The following NFIA variants were observed in gnomAD, a reference collection of about 807,000 sequenced individuals.
NFIA encodes the protein nuclear factor 1 A-type.
NFIA carries 8 observed loss-of-function variants against 62.8 expected under a neutral mutation model. The ratio of observed to expected loss-of-function variants is 0.13; its 90% CI spans 0.07 to 0.23. NFIA has a LOEUF of 0.23. Ranked by LOEUF, NFIA falls within the 10% of genes least tolerant of loss-of-function variation. The pLI, the probability that NFIA is intolerant of heterozygous loss-of-function variation, is 1.00. For synonymous variants in NFIA, 235 were observed against 238.1 expected, an observed-to-expected ratio of 0.99 and a Z score of 0.12; for missense variants, 410 against 642.1, an observed-to-expected ratio of 0.64 and a Z score of 3.91.
intron 6 of NFIA, among the ~76,000 whole-genome samples, chr1:61,360,816 A>G (rs1429564789): frequency 6.6e-6 from 1 of 152,240 alleles, no homozygotes; most frequent in East Asian, 1.9e-4. Flanking sequence ...CTGTATCATA[A>G]TTAAACACAA....
At chr1:61,270,811 T>C (rs950254761) in intron 2 of NFIA, among the ~76,000 whole-genome samples, 2 of 152,200 alleles carry the variant, frequency 1.3e-5, no homozygotes, top group Non-Finnish European at 2.9e-5. Flanking sequence ...GGTGATCGGG[T>C]AGACTCAATA....
At chr1:61,185,216 C>G (rs1466153881) in intron 2 of NFIA, among the ~76,000 whole-genome samples, 1 of 152,124 alleles carries the variant, frequency 6.6e-6, no homozygotes, top group Non-Finnish European at 1.5e-5. Flanking sequence ...TGTAAGCCCA[C>G]TATACCTGTT....
intron 2 of NFIA, among the ~76,000 whole-genome samples, chr1:61,089,450 T>G (rs1390833610): frequency 1.3e-5 from 2 of 152,220 alleles, no homozygotes; most frequent in Non-Finnish European, 2.9e-5. Context: ...GCATGCAGGA[T>G]AAAACTATTG....
chr1:61,190,387 G>T (rs563487038), intron 2 of NFIA, among the ~76,000 whole-genome samples: 14 of 152,310 alleles, frequency 9.2e-5, no homozygotes, highest in African/African-American at 3.4e-4. Context: ...GCATGGATTG[G>T]AGTGTGGAAT....
At chr1:61,250,443 A>G (rs1378961684) in intron 2 of NFIA, among the ~76,000 whole-genome samples, 3 of 152,180 alleles carry the variant, frequency 2.0e-5, no homozygotes, top group African/African-American at 4.8e-5. Context: ...TTGTTTTGCT[A>G]AAAGAGGAAT....
At chr1:61,080,823 A>G (rs1407647297), upstream of NFIA, among the ~76,000 whole-genome samples, 1 of 152,254 alleles carries the variant, frequency 6.6e-6, no homozygotes, top group Non-Finnish European at 1.5e-5. Context: ...TTGGCAATAA[A>G]GTAACTAAAG....
At position 61,311,878 on chromosome 1, in the gene NFIA, A is replaced by C. The variant is rs546734357; in HGVS notation, c.626-20634A>C. Reference sequence around the variant, plus strand: ...TTAAGAATTTCAGTATTATAAAATAATCCACCCACCCTTTGGAGGCTTGAA... The same window carrying C: ...TTAAGAATTTCAGTATTATAAAATACTCCACCCACCCTTTGGAGGCTTGAA... On this transcript the variant is annotated intron_variant, in intron 3 of 10. Transcript: ENST00000403491. 2.6e-5 allele frequency among the ~76,000 whole-genome samples: 4 copies of C among 152,300 alleles called. No homozygotes were observed. In the South Asian group the frequency reaches 8.3e-4, roughly 32 times the overall value.
chr1:61,179,901 G>T (rs1006391873), intron 2 of NFIA, among the ~76,000 whole-genome samples: 1 of 152,176 alleles, frequency 6.6e-6, no homozygotes, highest in African/African-American at 2.4e-5. Context: ...GCCTTTAGAA[G>T]AAGCCACAGT....
chr1:61,186,126 TAC>T (rs2100568780), intron 2 of NFIA, among the ~76,000 whole-genome samples: 1 of 152,318 alleles, frequency 6.6e-6, no homozygotes, highest in African/African-American at 2.4e-5. Context: ...TATTATAAAA[TAC>T]ATTGTTAAAC....
At position 61,103,999 on chromosome 1, in the gene NFIA, A is replaced by G. The variant is rs115124005; in HGVS notation, c.559+15319A>G. On this transcript the variant is annotated intron_variant, in intron 2 of 10. Transcript: ENST00000403491. Reference sequence around the variant, plus strand: ...TTGAGCTTTTTATCTAGAAAAGATGATTTGGTGATGATGGAGTAATATAGT... The same window carrying G: ...TTGAGCTTTTTATCTAGAAAAGATGGTTTGGTGATGATGGAGTAATATAGT... Among the ~76,000 whole-genome samples, 1,196 of 152,184 alleles carry G rather than the reference A, an allele frequency of 7.9e-3. 18 individuals are homozygous for G. The highest frequency in any genetic ancestry group is 0.027 in the African/African-American group (1,113 of 41,544).
Position 61,276,059 on chromosome 1 carries a change from A to G in NFIA, c.560-1461A>G, listed in dbSNP as rs565508607. On this transcript the variant is annotated intron_variant, in intron 2 of 10. Transcript: ENST00000403491. ...TCTTCTCTGTGGCAATTGTTACAGA[A>G]CGATAAAAGCTGTCACTTTGCCAGA... Among the ~76,000 whole-genome samples, 9 of 152,274 alleles carry G rather than the reference A, an allele frequency of 5.9e-5. No homozygotes were observed. In the South Asian group the frequency reaches 1.7e-3, roughly 28 times the overall value.
At chr1:61,319,695 C>G (rs1045454774) in intron 3 of NFIA, among the ~76,000 whole-genome samples, 3 of 151,576 alleles carry the variant, frequency 2.0e-5, no homozygotes, top group Non-Finnish European at 4.4e-5. Context: ...GAAAGAGGAG[C>G]CTGTTTTATA....
intron 2 of NFIA, among the ~76,000 whole-genome samples, chr1:61,148,366 C>G (rs1242755775): frequency 6.6e-6 from 1 of 152,166 alleles, no homozygotes; most frequent in Non-Finnish European, 1.5e-5. Flanking sequence ...TTCATTCCCT[C>G]TGACTCTCAC....
intron 7 of NFIA, among the ~76,000 whole-genome samples, chr1:61,384,890 G>A (rs1021286212): frequency 8.5e-5 from 13 of 152,118 alleles, no homozygotes; most frequent in African/African-American, 3.1e-4. Flanking sequence ...TGTCCTCATA[G>A]AGCATGTTAT....
chr1:61,227,245 A>T (rs1480164199), intron 2 of NFIA, among the ~76,000 whole-genome samples: 1 of 152,128 alleles, frequency 6.6e-6, no homozygotes, highest in Non-Finnish European at 1.5e-5. Flanking sequence ...CGCTGGTTTC[A>T]ATTTTATTTT....
chr1:61,387,468 C>CTGTTTTTTTT (rs1171901984), intron 7 of NFIA, among the ~76,000 whole-genome samples: 1 of 95,484 alleles, frequency 1.0e-5, no homozygotes, highest in African/African-American at 4.1e-5. Flanking sequence ...CAAGCACTTT[C>CTGTTTTTTTT]TTTTTTTTTT....
intron 2 of NFIA, among the ~76,000 whole-genome samples, chr1:61,141,201 A>G (rs1570249817): frequency 1.3e-5 from 2 of 152,212 alleles, no homozygotes; most frequent in East Asian, 3.9e-4. Flanking sequence ...GTGCTACAAG[A>G]TCGAAGAAGG....
intron 3 of NFIA, among the ~76,000 whole-genome samples, chr1:61,287,137 G>A (rs533939935): frequency 6.8e-4 from 104 of 152,276 alleles, no homozygotes; most frequent in African/African-American, 2.2e-3. Context: ...CAGTAGATAT[G>A]TCCTGATCCC....
rs112534681 is a variant in NFIA, at chr1:61,141,171, G to A, written c.559+52491G>A. On this transcript the variant is annotated intron_variant, in intron 2 of 10. Coordinates refer to ENST00000403491, the MANE Select transcript of NFIA (RefSeq NM_001134673.4). ...AATATTTAAGTGTCTGGTGAAAGTA[G>A]GGGTGGGATAGTCTCTGATGTGCTA... is the stretch of plus-strand genomic sequence containing the variant. 8.4e-3 allele frequency among the ~76,000 whole-genome samples: 1,284 copies of A among 152,158 alleles called. 19 individuals carry two copies. The highest frequency in any genetic ancestry group is 0.029 in the African/African-American group (1,195 of 41,506).
Sources: gnomAD v4.1 joint callset for allele counts (sites outside exome capture counted in the v4.1 genomes callset) on GRCh38, gnomAD v4.1.1 for gene constraint, MANE v1.5 for transcripts, NCBI Gene and HGNC (gene_info 2026-07-23, HGNC 2026-07-21) for gene names.